The following CAMK1D variants were observed in gnomAD, a reference collection of about 807,000 sequenced individuals.
CAMK1D encodes the protein calcium/calmodulin-dependent protein kinase type 1D.
A neutral mutation model predicts 47.7 loss-of-function variants in CAMK1D; 9 were observed. The ratio of observed to expected loss-of-function variants is 0.19; its 90% CI spans 0.11 to 0.33. The LOEUF (loss-of-function observed/expected upper bound fraction) is 0.33. Among genes scored for constraint, CAMK1D ranks in the 10% least tolerant of loss-of-function variants. CAMK1D has a pLI of 1.00. For synonymous variants in CAMK1D, 184 were observed against 184.9 expected, an observed-to-expected ratio of 0.99 and a Z score of 0.04; for missense variants, 291 against 488.7, an observed-to-expected ratio of 0.60 and a Z score of 3.81.
intron 2 of CAMK1D, among the ~76,000 whole-genome samples, chr10:12,603,772 A>C (rs958312145): frequency 2.0e-5 from 3 of 152,130 alleles, no homozygotes; most frequent in Admixed American, 1.3e-4. Flanking sequence ...CAAGCTCCTT[A>C]ACATCACATC....
chr10:12,704,761 T>A (rs972873276), intron 3 of CAMK1D, among the ~76,000 whole-genome samples: 8 of 152,238 alleles, frequency 5.3e-5, no homozygotes, highest in Non-Finnish European at 1.2e-4. Flanking sequence ...TTCCTTTAAA[T>A]GTTTGAGAAC....
At chr10:12,600,133 G>T (rs991829396) in intron 2 of CAMK1D, among the ~76,000 whole-genome samples, 2 of 152,004 alleles carry the variant, frequency 1.3e-5, no homozygotes, top group Non-Finnish European at 2.9e-5. Flanking sequence ...GAAGGAGGGT[G>T]GGAAGAAGGA....
chr10:12,514,332 C>A (rs1005506833), intron 1 of CAMK1D, among the ~76,000 whole-genome samples: 1 of 152,152 alleles, frequency 6.6e-6, no homozygotes, highest in African/African-American at 2.4e-5. Context: ...TGTGGGTCTC[C>A]TTTGGGCCAC....
chr10:12,417,554 A>AT (rs1479380322), intron 1 of CAMK1D, among the ~76,000 whole-genome samples: 1 of 152,046 alleles, frequency 6.6e-6, no homozygotes, highest in Non-Finnish European at 1.5e-5. Context: ...GGGTGGGGAG[A>AT]TGGCTTGGCC....
chr10:12,745,683 A>G (rs1428994815), intron 3 of CAMK1D, among the ~76,000 whole-genome samples: 1 of 150,142 alleles, frequency 6.7e-6, no homozygotes, highest in Non-Finnish European at 1.5e-5. Flanking sequence ...GCTCACCACA[A>G]CCTCCGCCTC....
At chr10:12,351,582 G>A (rs1837356517) in intron 1 of CAMK1D, among the ~76,000 whole-genome samples, 1 of 152,198 alleles carries the variant, frequency 6.6e-6, no homozygotes, top group Non-Finnish European at 1.5e-5. Flanking sequence ...CTGGCTTCCT[G>A]CCTGTAGCCT....
intron 1 of CAMK1D, among the ~76,000 whole-genome samples, chr10:12,540,521 G>A (rs964748386): frequency 6.6e-6 from 1 of 152,148 alleles, no homozygotes; most frequent in African/African-American, 2.4e-5. Flanking sequence ...ACTTAGTGCC[G>A]CAGAAACACC....
chr10:12,408,310 C>T lies in CAMK1D; in HGVS notation c.92+58400C>T, dbSNP rs373157791. Among the ~76,000 whole-genome samples, 38 of 152,154 alleles carry T rather than the reference C, an allele frequency of 2.5e-4. No homozygotes were observed. The South Asian group carries it at 6.0e-3, about 24-fold the overall frequency. On this transcript the variant is annotated intron_variant, in intron 1 of 10. Transcript: ENST00000619168. Reference sequence around the variant, plus strand: ...CCGAGTAGTTGGGACTACAGGCGCCCGCTACCTCGCCCGGCTAATTTTTTT... The same window carrying T: ...CCGAGTAGTTGGGACTACAGGCGCCTGCTACCTCGCCCGGCTAATTTTTTT...
chr10:12,806,295 G>A lies in CAMK1D; in HGVS notation c.642-7900G>A, dbSNP rs150713877. ...TGGCATGAGAATAGGGACTCAGACCGTCTGTTCCATGCCTGGGACCTGGTC... is the reference window on the plus strand; with the variant it reads ...TGGCATGAGAATAGGGACTCAGACCATCTGTTCCATGCCTGGGACCTGGTC... On this transcript the variant is annotated intron_variant, in intron 6 of 10. Transcript: ENST00000619168. Among the ~76,000 whole-genome samples, 523 of 152,336 alleles carry A rather than the reference G, an allele frequency of 3.4e-3. 1 individual carries two copies. Among genetic ancestry groups the A allele is most frequent in the Middle Eastern group, 0.02 (6 of 294 alleles).
chr10:12,468,414 A>G (rs1308549728), intron 1 of CAMK1D, among the ~76,000 whole-genome samples: 3 of 152,236 alleles, frequency 2.0e-5, no homozygotes, highest in Non-Finnish European at 1.5e-5. Context: ...GATTGGAGAA[A>G]ATAAAAGCCA....
intron 2 of CAMK1D, among the ~76,000 whole-genome samples, chr10:12,658,712 C>T (rs1279516911): frequency 1.3e-5 from 2 of 152,062 alleles, no homozygotes; most frequent in South Asian, 2.1e-4. Flanking sequence ...AGCAGAAGGA[C>T]GTGGAGTTTG....
intron 2 of CAMK1D, among the ~76,000 whole-genome samples, chr10:12,599,075 T>C (rs1838228073): frequency 6.6e-6 from 1 of 152,214 alleles, no homozygotes; most frequent in African/African-American, 2.4e-5. Context: ...CTTAGGTGTT[T>C]CTGGGAATTG....
Position 12,684,293 on chromosome 10 carries a change from A to G in CAMK1D, c.299+17483A>G, listed in dbSNP as rs1009479905. 4.6e-5 allele frequency among the ~76,000 whole-genome samples: 7 copies of G among 152,194 alleles called. No homozygotes were observed. The East Asian group carries it at 1.2e-3, about 25-fold the overall frequency. ...CTTTGATGTTTTCGGTGGATGGATC[A>G]GTGATATCCAACGGCGTCTCTGTAG... On this transcript the variant is annotated intron_variant, in intron 3 of 10. Transcript: ENST00000619168.
chr10:12,417,756 T>C (rs930226954), intron 1 of CAMK1D, among the ~76,000 whole-genome samples: 1 of 151,550 alleles, frequency 6.6e-6, no homozygotes, highest in Non-Finnish European at 1.5e-5. Context: ...GGAAGGCCAA[T>C]GGGTAGTGGG....
At chr10:12,826,516 T>G (rs905442505) in intron 10 of CAMK1D, among the ~76,000 whole-genome samples, 3 of 152,200 alleles carry the variant, frequency 2.0e-5, no homozygotes, top group African/African-American at 7.2e-5. Flanking sequence ...TACTCTCTCC[T>G]TATCTCTCTC....
intron 4 of CAMK1D, among the ~76,000 whole-genome samples, chr10:12,766,337 T>C (rs1173978677): frequency 7.4e-6 from 1 of 134,448 alleles, no homozygotes; most frequent in East Asian, 2.4e-4. Flanking sequence ...GTTCTCTGCC[T>C]GGCCAGCCCC....
chr10:12,619,436 C>T (rs1838922707), intron 2 of CAMK1D, among the ~76,000 whole-genome samples: 2 of 151,860 alleles, frequency 1.3e-5, no homozygotes, highest in African/African-American at 2.4e-5. Context: ...TGCAAATGTA[C>T]ACCACCGTGC....
In CAMK1D at chr10:12,668,341, T is replaced by C. The variant is rs578165201; in HGVS notation, c.299+1531T>C. Among the ~76,000 whole-genome samples the C allele has an allele frequency of 5.3e-5, 8 of 152,364 alleles. No homozygotes were observed. The South Asian group carries it at 1.2e-3, about 24-fold the overall frequency. On this transcript the variant is annotated intron_variant, in intron 3 of 10. Transcript: ENST00000619168. Reference sequence around the variant, plus strand: ...GTGTATTTAAATGTGTGTTTTTTCATTGGTAATGCAAAAACTACTAATCCT... The same window carrying C: ...GTGTATTTAAATGTGTGTTTTTTCACTGGTAATGCAAAAACTACTAATCCT...
At chr10:12,638,202 T>C (rs763104223) in intron 2 of CAMK1D, among the ~76,000 whole-genome samples, 26 of 152,212 alleles carry the variant, frequency 1.7e-4, no homozygotes, top group Non-Finnish European at 3.1e-4. Context: ...TTCTAGCAGA[T>C]GTTTCTGTTT....
Sources: gnomAD v4.1 joint callset for allele counts (sites outside exome capture counted in the v4.1 genomes callset) on GRCh38, gnomAD v4.1.1 for gene constraint, MANE v1.5 for transcripts, NCBI Gene and HGNC (gene_info 2026-07-23, HGNC 2026-07-21) for gene names.